The following ZC3H12B variants were observed in gnomAD, a reference collection of about 807,000 sequenced individuals.
The protein encoded by ZC3H12B is probable ribonuclease ZC3H12B.
ZC3H12B carries 7 observed loss-of-function variants against 43.9 expected under a neutral mutation model. The ratio of observed to expected loss-of-function variants is 0.16; its 90% confidence interval spans 0.09 to 0.30. ZC3H12B has a LOEUF of 0.30. Among genes scored for constraint, ZC3H12B ranks in the 10% least tolerant of loss-of-function variants. The pLI is 1.00. For missense variants in ZC3H12B, 475 were observed against 670.2 expected, an observed-to-expected ratio of 0.71 and a Z score of 3.22; for synonymous variants, 222 against 241.7, an observed-to-expected ratio of 0.92 and a Z score of 0.76.
At chrX:65,199,146 G>A in the ZC3H12B span, among the ~76,000 whole-genome samples, 3 of 108,095 alleles carry the variant, frequency 2.8e-5, no homozygotes, top group Non-Finnish European at 3.8e-5. Context: ...TCTAGATCTC[G>A]TAGGCATACT....
the ZC3H12B span, among the ~76,000 whole-genome samples, chrX:65,254,084 C>G: frequency 3.6e-5 from 4 of 112,162 alleles, no homozygotes; most frequent in Non-Finnish European, 7.5e-5. Flanking sequence ...ACTGCCATTG[C>G]TGCCAGTGTG....
At chrX:65,344,721 A>G in the ZC3H12B span, among the ~76,000 whole-genome samples, 2 of 112,717 alleles carry the variant, frequency 1.8e-5, no homozygotes, top group African/African-American at 3.2e-5. Flanking sequence ...GAAAACTGAG[A>G]TATAAACTAA....
chrX:65,376,254 T>C (rs769316317), intron 2 of ZC3H12B, among the ~76,000 whole-genome samples: 12 of 112,218 alleles, frequency 1.1e-4, no homozygotes, highest in Admixed American at 1.9e-4. Context: ...AACTCAGCCA[T>C]AGTACAATAG....
At chrX:65,272,945 T>A in the ZC3H12B span, 2 of 112,274 alleles carry the variant, frequency 1.8e-5, no homozygotes, top group African/African-American at 6.5e-5. Flanking sequence ...CAACCTCTGT[T>A]GGTTTCAATT....
upstream of ZC3H12B, among the ~76,000 whole-genome samples, chrX:65,362,918 C>T (rs752701021): frequency 1.8e-5 from 2 of 111,054 alleles, no homozygotes; most frequent in East Asian, 2.8e-4. Context: ...ATCCTCAATA[C>T]ATCCCTTCAC....
chrX:65,192,571 T>C, the ZC3H12B span, among the ~76,000 whole-genome samples: 1 of 111,570 alleles, frequency 9.0e-6, no homozygotes, highest in Admixed American at 9.6e-5. Context: ...TGTTGAATAT[T>C]ATCAAATGCT....
the ZC3H12B span, among the ~76,000 whole-genome samples, chrX:65,080,621 A>G: frequency 1.8e-5 from 2 of 112,056 alleles, no homozygotes; most frequent in African/African-American, 6.5e-5. Flanking sequence ...CTAGAATAGT[A>G]TATCTGGTGA....
chrX:65,266,930 A>G, the ZC3H12B span, among the ~76,000 whole-genome samples: 1 of 110,751 alleles, frequency 9.0e-6, no homozygotes, highest in African/African-American at 3.3e-5. Context: ...GCCTGGAAGG[A>G]AGAGTCTGTG....
intron 3 of ZC3H12B, among the ~76,000 whole-genome samples, chrX:65,454,704 G>A (rs1374020048): frequency 8.9e-6 from 1 of 111,879 alleles, no homozygotes; most frequent in Non-Finnish European, 1.9e-5. Flanking sequence ...AGACCCCCAA[G>A]TAGCCTAACT....
chrX:65,133,834 T>G, the ZC3H12B span, among the ~76,000 whole-genome samples: 4 of 109,609 alleles, frequency 3.6e-5, no homozygotes, highest in Non-Finnish European at 7.6e-5. Context: ...AAGAAAGATT[T>G]GCGATGAGTC....
At chrX:65,168,152 G>T in the ZC3H12B span, among the ~76,000 whole-genome samples, 1 of 111,611 alleles carries the variant, frequency 9.0e-6, no homozygotes, top group Non-Finnish European at 1.9e-5. Context: ...TGCCCATTTA[G>T]TATGATATTG....
chrX:65,467,310 C>A (rs1034552963), intron 3 of ZC3H12B, among the ~76,000 whole-genome samples: 16 of 110,734 alleles, frequency 1.4e-4, no homozygotes, highest in Admixed American at 1.3e-3. Context: ...GAGTAGTATT[C>A]CATGATATAC....
At chrX:65,484,094 A>G (rs1177715901), upstream of ZC3H12B, among the ~76,000 whole-genome samples, 1 of 112,200 alleles carries the variant, frequency 8.9e-6, no homozygotes, top group Non-Finnish European at 1.9e-5. Flanking sequence ...AATGATTTAT[A>G]TCTTTTAGGT....
At chrX:65,193,797 T>C in the ZC3H12B span, among the ~76,000 whole-genome samples, 12 of 112,127 alleles carry the variant, frequency 1.1e-4, no homozygotes, top group African/African-American at 3.9e-4. Context: ...TTGCTTTCTC[T>C]ATATCTCATT....
chrX:65,431,844 C>A (rs1222580429), intron 3 of ZC3H12B, among the ~76,000 whole-genome samples: 1 of 112,233 alleles, frequency 8.9e-6, no homozygotes, highest in African/African-American at 3.2e-5. Flanking sequence ...AAATTAACAA[C>A]AAAGTACAGT....
At chrX:65,311,938 G>A in the ZC3H12B span, among the ~76,000 whole-genome samples, 1 of 111,073 alleles carries the variant, frequency 9.0e-6, no homozygotes, top group Non-Finnish European at 1.9e-5. Context: ...GGTGGGAATT[G>A]AACAATGAGA....
At chrX:65,086,765 A>T in the ZC3H12B span, among the ~76,000 whole-genome samples, 3 of 111,918 alleles carry the variant, frequency 2.7e-5, no homozygotes, top group African/African-American at 9.8e-5. Context: ...GTGAGAAATA[A>T]ATTTATGTTG....
intron 3 of ZC3H12B, among the ~76,000 whole-genome samples, chrX:65,441,456 C>T (rs1240178489): frequency 1.8e-5 from 2 of 111,533 alleles, no homozygotes; most frequent in African/African-American, 3.3e-5. Flanking sequence ...TTTGATTTAC[C>T]CAATAAGCTG....
exon 5 of ZC3H12B, chrX:65,501,836 C>A (rs763574420): frequency 4.2e-6 from 5 of 1,195,487 alleles, no homozygotes; most frequent in Non-Finnish European, 5.6e-6. Flanking sequence ...CCATCCGGAG[C>A]GGGCCAACCA....
Sources: allele counts gnomAD v4.1 joint callset (sites outside exome capture counted in the v4.1 genomes callset), GRCh38; gene constraint gnomAD v4.1.1; transcripts MANE v1.5; gene names NCBI Gene and HGNC (gene_info 2026-07-23, HGNC 2026-07-21).